The following ERBB4 variants were observed in gnomAD, a reference collection of about 807,000 sequenced individuals.
ERBB4 encodes receptor tyrosine-protein kinase erbB-4.
ERBB4 carries 42 observed loss-of-function variants against 158.0 expected under a neutral mutation model. The observed-to-expected ratio is 0.27, with a 90% CI of 0.21 to 0.34. The LOEUF (loss-of-function observed/expected upper bound fraction) is 0.34. Ranked by LOEUF, ERBB4 falls within the 10% of genes least tolerant of loss-of-function variation. The probability of loss-of-function intolerance (pLI) is 1.00; values close to 1 mark genes in which losing one functional copy is unlikely to be tolerated. For synonymous variants in ERBB4, 583 were observed against 558.7 expected (o/e 1.04, Z -0.61); for missense variants, 1,333 against 1,624.1 (o/e 0.82, Z 3.08).
chr2:211,586,417 A>T (rs2068280173), intron 19 of ERBB4, among the ~76,000 whole-genome samples: 1 of 152,240 alleles, frequency 6.6e-6, no homozygotes, highest in South Asian at 2.1e-4. Flanking sequence ...ATCATTCAAA[A>T]TAAGGGAATT....
At chr2:211,488,767 T>C (rs2065268461) in intron 20 of ERBB4, among the ~76,000 whole-genome samples, 1 of 152,098 alleles carries the variant, frequency 6.6e-6, no homozygotes, top group Non-Finnish European at 1.5e-5. Flanking sequence ...CAATATTTTT[T>C]CCTGTAGAAG....
chr2:211,525,995 T>G (rs1013989468), intron 20 of ERBB4, among the ~76,000 whole-genome samples: 1 of 152,042 alleles, frequency 6.6e-6, no homozygotes, highest in Admixed American at 6.5e-5. Context: ...GGGAACTGGA[T>G]GCCTACTGCC....
intron 1 of ERBB4, among the ~76,000 whole-genome samples, chr2:212,492,109 A>T (rs1029988391): frequency 6.6e-6 from 1 of 151,578 alleles, no homozygotes; most frequent in East Asian, 1.9e-4. Context: ...CAGAAAATAC[A>T]TCTTATAAAA....
intron 4 of ERBB4, among the ~76,000 whole-genome samples, chr2:211,754,939 G>A (rs909281652): frequency 6.6e-6 from 1 of 152,146 alleles, no homozygotes; most frequent in Non-Finnish European, 1.5e-5. Context: ...GACCTCAGGT[G>A]ATCTGCCTGT....
At position 211,382,407 on chromosome 2, in the gene ERBB4, C is replaced by G. The variant is rs2062588641; in HGVS notation, c.*1208G>C. The G allele has an allele frequency of 4.3e-6, 1 of 232,456 alleles. No homozygotes were observed. Among genetic ancestry groups the G allele is most frequent in the Admixed American group, 5.6e-5 (1 of 17,742 alleles). 14.4% of individuals were successfully genotyped at this position (232,456 alleles called of 1,614,324 possible). ...TTGCTTGGTTTGGCATTTCCACAGTCTTTATCTTAGCTCTTTTTTTAAAAA... is the reference window on the plus strand; with the variant it reads ...TTGCTTGGTTTGGCATTTCCACAGTGTTTATCTTAGCTCTTTTTTTAAAAA... On this transcript the variant is annotated 3_prime_UTR_variant, in exon 28 of 28. Transcript: ENST00000342788.
chr2:212,532,116 T>C (rs1049973164), intron 1 of ERBB4, among the ~76,000 whole-genome samples: 4 of 152,246 alleles, frequency 2.6e-5, no homozygotes, highest in African/African-American at 9.6e-5. Flanking sequence ...TATGTGTCAG[T>C]GGTTTTTCAA....
chr2:211,612,925 A>G (rs1029889714), intron 19 of ERBB4, among the ~76,000 whole-genome samples: 3 of 152,030 alleles, frequency 2.0e-5, no homozygotes, highest in African/African-American at 7.2e-5. Flanking sequence ...TCAAGGATAA[A>G]TTTCAAATTT....
At chr2:212,010,677 C>A (rs190528065) in intron 2 of ERBB4, among the ~76,000 whole-genome samples, 1 of 152,050 alleles carries the variant, frequency 6.6e-6, no homozygotes, top group African/African-American at 2.4e-5. Context: ...AAACAGGGTT[C>A]GAGAGCAGAG....
At chr2:212,527,571 G>GCT (rs1692518359) in intron 1 of ERBB4, among the ~76,000 whole-genome samples, 1 of 151,992 alleles carries the variant, frequency 6.6e-6, no homozygotes, top group East Asian at 1.9e-4. Context: ...AACAGCTTCA[G>GCT]CTTCAGAACC....
chr2:212,119,038 T>C (rs2079659683), intron 2 of ERBB4, among the ~76,000 whole-genome samples: 1 of 152,050 alleles, frequency 6.6e-6, no homozygotes, highest in African/African-American at 2.4e-5. Flanking sequence ...TGTATAATGA[T>C]TAAAATTTAA....
rs1190294866 is a variant in ERBB4, at chr2:211,375,889, C to A, written c.*7726G>T. 1.3e-5 allele frequency: 3 copies of A among 232,680 alleles called. No homozygotes were observed. The highest frequency in any genetic ancestry group is 6.1e-5 in the East Asian group (1 of 16,484). 14.4% of individuals were successfully genotyped at this position (232,680 alleles called of 1,614,324 possible). The stretch of plus-strand genomic sequence containing the variant: ...ATAATTGCCTTGTACAGGTACAATT[C>A]TTTCCCAAGAGCCAAAAGAGGATCC... On this transcript the variant is annotated 3_prime_UTR_variant, in exon 28 of 28. Coordinates refer to ENST00000342788, the MANE Select transcript of ERBB4 (RefSeq NM_005235.3).
intron 2 of ERBB4, among the ~76,000 whole-genome samples, chr2:212,068,637 C>T (rs553535577): frequency 6.6e-6 from 1 of 152,020 alleles, no homozygotes; most frequent in African/African-American, 2.4e-5. Context: ...CTCTCTGTAC[C>T]TGCCTTACAA....
intron 19 of ERBB4, among the ~76,000 whole-genome samples, chr2:211,575,388 T>C (rs2125755190): frequency 6.6e-6 from 1 of 152,354 alleles, no homozygotes; most frequent in South Asian, 2.1e-4. Flanking sequence ...CAGGAGGAAC[T>C]AAGACTACTC....
intron 1 of ERBB4, among the ~76,000 whole-genome samples, chr2:212,366,327 A>G (rs1296830836): frequency 6.6e-6 from 1 of 152,038 alleles, no homozygotes; most frequent in Non-Finnish European, 1.5e-5. Context: ...TCCAAAAACT[A>G]CAGTGAATTA....
chr2:211,636,433 T>A lies in ERBB4; in HGVS notation c.1947-5839A>T, dbSNP rs142782383. Among the ~76,000 whole-genome samples, 731 of 152,108 alleles carry A rather than the reference T, an allele frequency of 4.8e-3. 11 individuals are homozygous for A. The highest frequency in any genetic ancestry group is 0.017 in the African/African-American group (696 of 41,562). On this transcript the variant is annotated intron_variant, in intron 16 of 27. Transcript: ENST00000342788. ...TACCTAAGCTAGTACAAAAAATAAA[T>A]GCAGAAGGAAATTATATAGTCATGT...
intron 20 of ERBB4, among the ~76,000 whole-genome samples, chr2:211,460,636 T>C (rs1342047861): frequency 6.6e-6 from 1 of 152,176 alleles, no homozygotes; most frequent in African/African-American, 2.4e-5. Flanking sequence ...GTGTTTTGTA[T>C]TACAGACAGT....
chr2:212,278,492 A>C (rs2085630257), intron 1 of ERBB4, among the ~76,000 whole-genome samples: 1 of 151,632 alleles, frequency 6.6e-6, no homozygotes, highest in Non-Finnish European at 1.5e-5. Flanking sequence ...CACATAGAAA[A>C]ATCACATTGG....
chr2:212,057,948 G>A (rs370453442), intron 2 of ERBB4, among the ~76,000 whole-genome samples: 3 of 151,998 alleles, frequency 2.0e-5, no homozygotes, highest in Admixed American at 6.6e-5. Context: ...AACTGAAGGA[G>A]ATAGAGACAC....
chr2:212,329,368 C>T (rs2088016829), intron 1 of ERBB4, among the ~76,000 whole-genome samples: 1 of 152,056 alleles, frequency 6.6e-6, no homozygotes, highest in Admixed American at 6.6e-5. Flanking sequence ...TACACACAGT[C>T]ATTAGCAATT....
Sources: allele counts gnomAD v4.1 joint callset (sites outside exome capture counted in the v4.1 genomes callset), GRCh38; gene constraint gnomAD v4.1.1; transcripts MANE v1.5; gene names NCBI Gene and HGNC (gene_info 2026-07-23, HGNC 2026-07-21).